The following ADGRF5 variants were observed in gnomAD, a reference collection of about 807,000 sequenced individuals.
ADGRF5 encodes G-protein coupled receptor 116.
A neutral mutation model predicts 132.3 loss-of-function variants in ADGRF5; 75 were observed. The ratio of observed to expected loss-of-function variants is 0.57; its 90% CI spans 0.47 to 0.69. The LOEUF (loss-of-function observed/expected upper bound fraction) is 0.69, where lower values mean the gene tolerates loss of function less well. Among genes scored for constraint, ADGRF5 ranks in the 30% least tolerant of loss-of-function variants. The pLI, the probability that ADGRF5 is intolerant of heterozygous loss-of-function variation, is 0.00. For synonymous variants in ADGRF5, 629 were observed against 597.6 expected (o/e 1.05, Z -0.77); for missense variants, 1,516 against 1,630.6 (o/e 0.93, Z 1.21).
chr6:46,862,849 G>A (rs374146965), intron 15 of ADGRF5, 39 bp downstream of exon 15: 20 of 1,329,900 alleles, frequency 1.5e-5, no homozygotes, highest in African/African-American at 1.0e-4. Flanking sequence ...CAGATAGATC[G>A]CCCCACCAAG....
At chr6:46,949,870 G>T (rs1179260928) in intron 1 of ADGRF5, among the ~76,000 whole-genome samples, 1 of 152,192 alleles carries the variant, frequency 6.6e-6, no homozygotes, top group Non-Finnish European at 1.5e-5. Flanking sequence ...GGTTTACAGT[G>T]AAGTTTTCCC....
intron 12 of ADGRF5, 66 bp from the exon 13 acceptor site, chr6:46,867,203 A>C: frequency 1.1e-6 from 1 of 930,500 alleles, no homozygotes; most frequent in South Asian, 1.4e-5. Context: ...ATCTGCTGGG[A>C]AGGTTAAGAA....
At chr6:46,915,288 T>TTAATAATAATAATAATAATAATAA (rs76660188) in intron 1 of ADGRF5, among the ~76,000 whole-genome samples, 17 of 149,604 alleles carry the variant, frequency 1.1e-4, no homozygotes, top group African/African-American at 4.2e-4. Flanking sequence ...CTTGACTATT[T>TTAATAATAATAATAATAATAATAA]TAATAATAAT....
intron 20 of ADGRF5, 135 bp from the exon 21 acceptor site, chr6:46,854,206 T>C (rs1250580327): frequency 3.5e-6 from 2 of 575,420 alleles, no homozygotes; most frequent in East Asian, 6.2e-5. Flanking sequence ...AACCAACCCA[T>C]ACCTGCCCTC....
intron 1 of ADGRF5, among the ~76,000 whole-genome samples, chr6:46,920,870 T>A (rs1162271797): frequency 2.6e-5 from 4 of 151,812 alleles, no homozygotes; most frequent in Non-Finnish European, 4.4e-5. Context: ...CTCAAAAAAA[T>A]AAAAATAAAA....
intron 1 of ADGRF5, among the ~76,000 whole-genome samples, chr6:46,932,768 T>C (rs190652743): frequency 1.1e-4 from 17 of 152,192 alleles, no homozygotes; most frequent in African/African-American, 4.1e-4. Flanking sequence ...CCCTACAGAG[T>C]CATTGCTCCT....
intron 1 of ADGRF5, among the ~76,000 whole-genome samples, chr6:46,948,049 C>T (rs937114063): frequency 6.6e-6 from 1 of 152,164 alleles, no homozygotes; most frequent in Non-Finnish European, 1.5e-5. Flanking sequence ...CACGGAGACC[C>T]CCAGACATAG....
intron 10 of ADGRF5, among the ~76,000 whole-genome samples, chr6:46,877,353 CTTTCTTTCTTTCTTTCTTTCTTTCT>C (rs1345728083): frequency 6.6e-4 from 30 of 45,654 alleles, no homozygotes; most frequent in Non-Finnish European, 1.2e-3. Flanking sequence ...TTCTTTCTTT[CTTTCTTTCTTTCTTTCTTTCTTTCT>C]TTCTTTCTTC....
chr6:46,911,230 G>T (rs1775920784), intron 1 of ADGRF5, among the ~76,000 whole-genome samples: 1 of 152,132 alleles, frequency 6.6e-6, no homozygotes, highest in Non-Finnish European at 1.5e-5. Context: ...GATCCTCAAG[G>T]CTCTCCATAA....
intron 4 of ADGRF5, chr6:46,887,920 G>A (rs1025680492): frequency 1.3e-5 from 2 of 155,620 alleles, no homozygotes; most frequent in African/African-American, 4.8e-5. Context: ...TAATGCCAAA[G>A]AGAAGGGTAT....
chr6:46,909,194 C>T (rs1775689475), intron 1 of ADGRF5: 1 of 152,150 alleles, frequency 6.6e-6, no homozygotes, highest in Non-Finnish European at 1.5e-5. Flanking sequence ...AGTTTGTCTT[C>T]AGTAGGGGCC....
At chr6:46,951,758 CAATG>C (rs1157036151) in intron 1 of ADGRF5, among the ~76,000 whole-genome samples, 1 of 152,220 alleles carries the variant, frequency 6.6e-6, no homozygotes, top group Admixed American at 6.5e-5. Flanking sequence ...CTGCACCCAG[CAATG>C]AATGTCTCAT....
At chr6:46,857,753 A>G (rs1769222088) in intron 17 of ADGRF5, among the ~76,000 whole-genome samples, 1 of 146,778 alleles carries the variant, frequency 6.8e-6, no homozygotes, top group Non-Finnish European at 1.5e-5. Context: ...TATCAGGCAT[A>G]GAGGTATAGT....
intron 1 of ADGRF5, among the ~76,000 whole-genome samples, chr6:46,936,155 C>T (rs1777813216): frequency 6.6e-6 from 1 of 152,206 alleles, no homozygotes; most frequent in South Asian, 2.1e-4. Context: ...TCCTCACCCC[C>T]ATTTTACAGA....
At chr6:46,912,736 T>C (rs569711960) in intron 1 of ADGRF5, among the ~76,000 whole-genome samples, 1 of 151,954 alleles carries the variant, frequency 6.6e-6, no homozygotes, top group Non-Finnish European at 1.5e-5. Context: ...ACAGCAAAAA[T>C]AAAAAGCAGA....
chr6:46,937,575 C>A (rs1245039629), intron 1 of ADGRF5, among the ~76,000 whole-genome samples: 1 of 152,132 alleles, frequency 6.6e-6, no homozygotes, highest in Non-Finnish European at 1.5e-5. Context: ...ATCAATAGTA[C>A]TAAACCCCAT....
At chr6:46,861,009 T>C in intron 15 of ADGRF5, 115 bp from the exon 16 acceptor site, 1 of 721,608 alleles carries the variant, frequency 1.4e-6, no homozygotes, top group Non-Finnish European at 2.3e-6. Context: ...TTTTGCTCCA[T>C]TTCCATAAAT....
intron 1 of ADGRF5, among the ~76,000 whole-genome samples, chr6:46,946,676 C>T (rs557541390): frequency 6.6e-6 from 1 of 152,180 alleles, no homozygotes; most frequent in Admixed American, 6.5e-5. Context: ...AGGGAAGGGT[C>T]CCTCTTCCCT....
chr6:46,858,749 T>C lies in ADGRF5; in HGVS notation c.3154A>G (p.Thr1052Ala). The change falls in exon 17 of 21, where the codon ACC becomes GCC. Residue 1052 changes from threonine (T) to alanine (A), a missense_variant. Thr to Ala is a moderately conservative substitution (Grantham distance 58). Around this residue, in one of 2 missense-constraint regions of ADGRF5, gnomAD observed 571 missense variants for 701.2 expected, o/e 0.81. Transcript: ENST00000283296. Reference sequence around the variant, plus strand: ...GAGGCAGCGATATTCACTATGCAGGTGTGGCGCATATAAGAAGTCCGGTTC... The same window carrying C: ...GAGGCAGCGATATTCACTATGCAGGCGTGGCGCATATAAGAAGTCCGGTTC... The part of the protein sequence containing the change: ...TKNRTSYMRH[T>A]CIVNIAASLL... 6.2e-7 allele frequency: 1 copy of C among 1,614,030 alleles called. No individual in the cohort carries two copies. The highest frequency in any genetic ancestry group is 8.5e-7 in the Non-Finnish European group (1 of 1,179,982).
Sources: allele counts gnomAD v4.1 joint callset (sites outside exome capture counted in the v4.1 genomes callset), GRCh38; gene constraint gnomAD v4.1.1; regional missense constraint gnomAD v4.1.1; transcripts MANE v1.5; gene names NCBI Gene and HGNC (gene_info 2026-07-23, HGNC 2026-07-21).